ZNF385D: variants seen among roughly 807,000 people sequenced by gnomAD.
The protein encoded by ZNF385D is zinc finger protein 385D.
Under a neutral mutation model 35.8 loss-of-function variants are expected in ZNF385D, and 15 were observed. The observed-to-expected ratio is 0.42, with a 90% confidence interval of 0.28 to 0.64. ZNF385D has a LOEUF of 0.64. Among genes scored for constraint, ZNF385D ranks in the 30% least tolerant of loss-of-function variants. The pLI is 0.23. For missense variants in ZNF385D, 474 were observed against 494.6 expected (o/e 0.96, Z 0.39); for synonymous variants, 212 against 186.8 (o/e 1.13, Z -1.10).
intron 2 of ZNF385D, among the ~76,000 whole-genome samples, chr3:22,363,814 T>C (rs1575204698): frequency 6.6e-6 from 1 of 152,120 alleles, no homozygotes; most frequent in Non-Finnish European, 1.5e-5. Context: ...TTTTTAAAAG[T>C]ATAATTCAAA....
At chr3:21,866,337 G>A (rs145098432) in intron 3 of ZNF385D, among the ~76,000 whole-genome samples, 10,663 of 151,958 alleles carry the variant, frequency 0.07, 548 homozygotes, top group East Asian at 0.21. Flanking sequence ...ACCTGTAATC[G>A]CAGCTACTTG....
At position 21,424,030 on chromosome 3, in the gene ZNF385D, G is replaced by A. The variant is rs1462964264; in HGVS notation, c.887C>T (p.Ala296Val). Reference protein sequence around the residue: ...ISSRRHKDRAAGKPPKPKYSP... With the variant: ...ISSRRHKDRAVGKPPKPKYSP... ...GTATTTAGGTTTCGGGGGCTTCCCA[G>A]CAGCTCTGTCTTTGTGCCTTCTACT... The change falls in exon 7 of 8, where the codon GCT becomes GTT. Residue 296 changes from alanine (A) to valine (V), a missense_variant. Ala to Val is a moderately conservative substitution (Grantham distance 64, BLOSUM62 0). Transcript: ENST00000281523. 3 of 1,603,006 alleles carry A rather than the reference G, an allele frequency of 1.9e-6. No homozygotes were observed. Among genetic ancestry groups the A allele is most frequent in the Non-Finnish European group, 2.5e-6 (3 of 1,176,544 alleles).
chr3:22,340,072 T>C (rs1695354670), intron 2 of ZNF385D, among the ~76,000 whole-genome samples: 1 of 152,206 alleles, frequency 6.6e-6, no homozygotes, highest in African/African-American at 2.4e-5. Context: ...AAAAATTTCA[T>C]TAAACAAATT....
At chr3:21,885,039 G>A (rs528375919) in intron 3 of ZNF385D, among the ~76,000 whole-genome samples, 1 of 152,076 alleles carries the variant, frequency 6.6e-6, no homozygotes, top group South Asian at 2.1e-4. Context: ...TATGGTCCAT[G>A]AATCCTAAAT....
In ZNF385D at chr3:21,532,342, C is replaced by T. The variant is rs551150162; in HGVS notation, c.277-21319G>A. Reference sequence around the variant, plus strand: ...CCTTATTATTTATGCAACAAAATAGCATTGTAATATATCAGTGTGGGGGAG... The same window carrying T: ...CCTTATTATTTATGCAACAAAATAGTATTGTAATATATCAGTGTGGGGGAG... On this transcript the variant is annotated intron_variant, in intron 3 of 7. Transcript: ENST00000281523. 3.3e-5 allele frequency among the ~76,000 whole-genome samples: 5 copies of T among 152,188 alleles called. No homozygotes were observed. The East Asian group carries it at 9.7e-4, about 29-fold the overall frequency.
chr3:22,036,741 T>A (rs1470260839), intron 3 of ZNF385D, among the ~76,000 whole-genome samples: 1 of 151,436 alleles, frequency 6.6e-6, no homozygotes, highest in South Asian at 2.1e-4. Flanking sequence ...CTCTAAGTTT[T>A]AGGGTACATG....
At chr3:22,166,285 G>A (rs1410851899) in intron 3 of ZNF385D, among the ~76,000 whole-genome samples, 1 of 148,412 alleles carries the variant, frequency 6.7e-6, no homozygotes, top group Non-Finnish European at 1.5e-5. Flanking sequence ...AGGAAATCCA[G>A]CAACAAATAT....
chr3:21,818,127 A>G (rs753671866), intron 3 of ZNF385D, among the ~76,000 whole-genome samples: 2 of 150,222 alleles, frequency 1.3e-5, no homozygotes, highest in South Asian at 2.2e-4. Context: ...GAATTCAACA[A>G]TGAGAATACT....
In ZNF385D at chr3:21,924,691, C is replaced by T. The variant is rs576549671; in HGVS notation, c.325+244126G>A. Among the ~76,000 whole-genome samples, 485 of 152,238 alleles carry T rather than the reference C, an allele frequency of 3.2e-3. 4 individuals are homozygous for T. The highest frequency in any genetic ancestry group is 0.011 in the African/African-American group (457 of 41,548). ...TCTCTATCCAGGGAGTAATAAGGCCCTACCTCCATAGTGTTAGTGGAGACA... is the reference window on the plus strand; with the variant it reads ...TCTCTATCCAGGGAGTAATAAGGCCTTACCTCCATAGTGTTAGTGGAGACA... On this transcript the variant is annotated intron_variant, in intron 3 of 5. Coordinates refer to the ZNF385D transcript ENST00000494108.
intron 3 of ZNF385D, among the ~76,000 whole-genome samples, chr3:21,928,773 G>C (rs549129253): frequency 1.2e-3 from 187 of 152,204 alleles, no homozygotes; most frequent in African/African-American, 4.2e-3. Flanking sequence ...ATAAATTTCT[G>C]AAAGTAACCC....
chr3:21,833,461 C>T (rs1695131554), intron 3 of ZNF385D, among the ~76,000 whole-genome samples: 1 of 152,046 alleles, frequency 6.6e-6, no homozygotes, highest in African/African-American at 2.4e-5. Flanking sequence ...AGGATTGTGG[C>T]CATAAGCCAA....
intron 2 of ZNF385D, among the ~76,000 whole-genome samples, chr3:22,191,449 T>G (rs1290215287): frequency 6.7e-6 from 1 of 150,184 alleles, no homozygotes; most frequent in Non-Finnish European, 1.5e-5. Context: ...ATAGTACCAT[T>G]GCACTCCAGC....
chr3:22,274,317 A>T (rs571773371), intron 2 of ZNF385D, among the ~76,000 whole-genome samples: 1 of 152,092 alleles, frequency 6.6e-6, no homozygotes, highest in East Asian at 1.9e-4. Flanking sequence ...AAAAAGATAT[A>T]ATTTTTCAGT....
chr3:22,297,898 A>T (rs1185034983), intron 2 of ZNF385D, among the ~76,000 whole-genome samples: 2 of 152,122 alleles, frequency 1.3e-5, no homozygotes, highest in African/African-American at 4.8e-5. Context: ...ATATTTACAG[A>T]TATTGAAACA....
intron 3 of ZNF385D, among the ~76,000 whole-genome samples, chr3:22,095,217 G>A (rs1340195238): frequency 6.6e-6 from 1 of 150,542 alleles, no homozygotes; most frequent in African/African-American, 2.4e-5. Flanking sequence ...GTGAACGATA[G>A]CACCTGGTCC....
At chr3:21,947,720 A>G (rs905942214) in intron 3 of ZNF385D, among the ~76,000 whole-genome samples, 17 of 152,264 alleles carry the variant, frequency 1.1e-4, no homozygotes, top group African/African-American at 3.9e-4. Context: ...GTATTAATCC[A>G]TCTATCTTTT....
chr3:22,000,452 G>C (rs753240972), intron 3 of ZNF385D, among the ~76,000 whole-genome samples: 6 of 152,150 alleles, frequency 3.9e-5, no homozygotes, highest in Non-Finnish European at 7.3e-5. Context: ...GGTCTAAAAA[G>C]GGGAGGCATG....
At chr3:21,961,849 C>T (rs1195186850) in intron 3 of ZNF385D, among the ~76,000 whole-genome samples, 3 of 151,938 alleles carry the variant, frequency 2.0e-5, no homozygotes, top group Non-Finnish European at 4.4e-5. Context: ...GGAACATTTG[C>T]AGAAGTTGAG....
At chr3:21,897,136 C>A (rs1699178804) in intron 3 of ZNF385D, among the ~76,000 whole-genome samples, 1 of 152,116 alleles carries the variant, frequency 6.6e-6, no homozygotes, top group East Asian at 1.9e-4. Flanking sequence ...TAGTCTTGCC[C>A]CTTTCGACTC....
Sources: allele counts gnomAD v4.1 joint callset (sites outside exome capture counted in the v4.1 genomes callset), GRCh38; gene constraint gnomAD v4.1.1; transcripts MANE v1.5; gene names NCBI Gene and HGNC (gene_info 2026-07-23, HGNC 2026-07-21).